BABAM2: variants seen among roughly 807,000 people sequenced by gnomAD.
BABAM2 encodes BRISC and BRCA1 A complex member 2, also known as BRISC and BRCA1-A complex member 2.
BABAM2 carries 31 observed loss-of-function variants against 54.7 expected under a neutral mutation model. The observed-to-expected ratio is 0.57, with a 90% CI of 0.43 to 0.77. The LOEUF is 0.77. BABAM2 is among the 30% of genes least tolerant of loss of function. The pLI is 0.00. For missense variants in BABAM2, 364 were observed against 455.8 expected (o/e 0.80, Z 1.83); for synonymous variants, 167 against 162.9 (o/e 1.03, Z -0.19).
chr2:28,170,962 C>T (rs1385930915), intron 7 of BABAM2, among the ~76,000 whole-genome samples: 1 of 152,142 alleles, frequency 6.6e-6, no homozygotes, highest in Admixed American at 6.5e-5. Flanking sequence ...TCCTCCAACC[C>T]GAGTCCCCTC....
At chr2:28,179,121 C>G (rs1472169533) in intron 7 of BABAM2, among the ~76,000 whole-genome samples, 1 of 152,128 alleles carries the variant, frequency 6.6e-6, no homozygotes, top group African/African-American at 2.4e-5. Flanking sequence ...GGAAGCAATT[C>G]CCCTTAACTC....
chr2:27,987,837 T>C (rs938091213), intron 3 of BABAM2, among the ~76,000 whole-genome samples, 156 bp from the exon 4 acceptor site: 12 of 150,604 alleles, frequency 8.0e-5, no homozygotes, highest in African/African-American at 1.7e-4. Context: ...AAAAAAGATA[T>C]CAGTTTATTT....
intron 10 of BABAM2, among the ~76,000 whole-genome samples, chr2:28,245,946 A>G (rs576770902): frequency 1.3e-5 from 2 of 152,352 alleles, no homozygotes; most frequent in East Asian, 3.9e-4. Flanking sequence ...ACCAATAGAT[A>G]GTAAGGGCAG....
At chr2:28,176,595 A>AAAAAAAAAAAAAAAAAAAAAAAAC (rs1351450797) in intron 7 of BABAM2, among the ~76,000 whole-genome samples, 1 of 146,470 alleles carries the variant, frequency 6.8e-6, no homozygotes, top group East Asian at 2.0e-4. Flanking sequence ...AAAAAAAAAA[A>AAAAAAAAAAAAAAAAAAAAAAAAC]ACCTCACTGA....
chr2:28,053,580 C>A (rs1678157998), intron 6 of BABAM2, among the ~76,000 whole-genome samples: 1 of 152,174 alleles, frequency 6.6e-6, no homozygotes, highest in Admixed American at 6.5e-5. Flanking sequence ...ACAAAGAAAG[C>A]AGTGAGATGG....
chr2:28,161,850 G>A (rs979351948), intron 7 of BABAM2, among the ~76,000 whole-genome samples: 1 of 152,034 alleles, frequency 6.6e-6, no homozygotes, highest in African/African-American at 2.4e-5. Context: ...TGCACTTGGG[G>A]TAAACTGAGG....
chr2:28,091,124 A>G (rs1666120559), intron 6 of BABAM2, among the ~76,000 whole-genome samples: 1 of 152,200 alleles, frequency 6.6e-6, no homozygotes, highest in Non-Finnish European at 1.5e-5. Context: ...TATAAAGATA[A>G]GAAAGTCAAT....
chr2:27,990,440 A>G (rs1323540248), intron 4 of BABAM2, among the ~76,000 whole-genome samples: 1 of 152,206 alleles, frequency 6.6e-6, no homozygotes, highest in Non-Finnish European at 1.5e-5. Context: ...TCAGAGCACA[A>G]TCATTAATAA....
At chr2:28,189,713 A>G (rs1221425763) in intron 7 of BABAM2, among the ~76,000 whole-genome samples, 1 of 152,134 alleles carries the variant, frequency 6.6e-6, no homozygotes, top group Non-Finnish European at 1.5e-5. Context: ...GTAATCATTG[A>G]TCTATAGATC....
intron 5 of BABAM2, among the ~76,000 whole-genome samples, chr2:28,044,203 A>C (rs1677369643): frequency 6.6e-6 from 1 of 152,202 alleles, no homozygotes; most frequent in South Asian, 2.1e-4. Context: ...TTTAAGGTTT[A>C]GATCAGAGTT....
chr2:28,310,457 A>G (rs1313422281), intron 11 of BABAM2: 2 of 294,404 alleles, frequency 6.8e-6, no homozygotes, highest in African/African-American at 4.2e-5. Flanking sequence ...CTTCTCTGAG[A>G]GCAGTTTTAA....
Position 28,124,409 on chromosome 2 carries a change from A to G in BABAM2, c.571-4862A>G, listed in dbSNP as rs180984139. ...AAGAAAGTTCAAGGTTGAATACTCTATCATCTATAAAAGAGCAAGAAGTGA... is the reference window on the plus strand; with the variant it reads ...AAGAAAGTTCAAGGTTGAATACTCTGTCATCTATAAAAGAGCAAGAAGTGA... On this transcript the variant is annotated intron_variant, in intron 6 of 11. Transcript: ENST00000379624. 4.1e-3 allele frequency among the ~76,000 whole-genome samples: 621 copies of G among 152,342 alleles called. 3 individuals are homozygous for G. The highest frequency in any genetic ancestry group is 0.021 in the East Asian group (110 of 5,184).
chr2:28,087,656 G>GT (rs772201598), intron 6 of BABAM2, among the ~76,000 whole-genome samples: 162 of 144,682 alleles, frequency 1.1e-3, no homozygotes, highest in South Asian at 1.3e-3. Context: ...AATATGAGGT[G>GT]TTTTTTTTTT....
chr2:27,958,568 A>G (rs1670256383), intron 3 of BABAM2, among the ~76,000 whole-genome samples: 1 of 150,768 alleles, frequency 6.6e-6, no homozygotes, highest in Non-Finnish European at 1.5e-5. Context: ...ACACATATAT[A>G]TGTATATATG....
intron 4 of BABAM2, among the ~76,000 whole-genome samples, chr2:28,014,335 A>G (rs1674638468): frequency 6.6e-6 from 1 of 152,212 alleles, no homozygotes; most frequent in African/African-American, 2.4e-5. Context: ...TCTGGTTAAA[A>G]CAGGCTTTAG....
chr2:28,099,963 C>G (rs908420718), intron 6 of BABAM2, among the ~76,000 whole-genome samples: 1 of 151,952 alleles, frequency 6.6e-6, no homozygotes, highest in African/African-American at 2.4e-5. Context: ...AACGTATAGT[C>G]TTGATTTAAT....
chr2:27,955,109 A>G (rs536110202), intron 3 of BABAM2, among the ~76,000 whole-genome samples: 1 of 152,352 alleles, frequency 6.6e-6, no homozygotes, highest in South Asian at 2.1e-4. Context: ...CTCTTCCTAC[A>G]AAGGAAGATG....
chr2:28,229,263 C>A (rs1260835303), intron 7 of BABAM2, among the ~76,000 whole-genome samples: 1 of 152,110 alleles, frequency 6.6e-6, no homozygotes, highest in African/African-American at 2.4e-5. Context: ...AGTTCGATGC[C>A]TCTTTGTCAT....
chr2:28,108,403 G>A (rs910891911), intron 6 of BABAM2, among the ~76,000 whole-genome samples: 1 of 152,074 alleles, frequency 6.6e-6, no homozygotes, highest in Non-Finnish European at 1.5e-5. Context: ...TTTATGCATC[G>A]TGAAATGTCA....
Sources: allele counts gnomAD v4.1 joint callset (sites outside exome capture counted in the v4.1 genomes callset), GRCh38; gene constraint gnomAD v4.1.1; transcripts MANE v1.5; gene names NCBI Gene and HGNC (gene_info 2026-07-23, HGNC 2026-07-21).